The following P4HB variants were observed in gnomAD, a reference collection of about 807,000 sequenced individuals.
P4HB encodes prolyl 4-hydroxylase subunit beta.
P4HB carries 20 observed loss-of-function variants against 52.6 expected under a neutral mutation model. That is an observed-to-expected ratio of 0.38 (90% CI 0.27 to 0.55). The LOEUF (loss-of-function observed/expected upper bound fraction) is 0.55, where lower values mean the gene tolerates loss of function less well. Ranked by LOEUF, P4HB falls within the 20% of genes least tolerant of loss-of-function variation. The pLI is 0.74. For synonymous variants in P4HB, 296 were observed against 277.9 expected (o/e 1.07, Z -0.65); for missense variants, 601 against 669.2 (o/e 0.90, Z 1.12).
Position 81,845,241 on chromosome 17 carries a change from C to T in P4HB, c.1360-11G>A, listed in dbSNP as rs199951384. ...GTTGTAATCAATGACCTGTGGAAGA[C>T]AGGGATGAGTGCAGGGGCTGGTCCC... On this transcript the variant is annotated splice_polypyrimidine_tract_variant and intron_variant, in intron 9 of 10. Coordinates refer to ENST00000331483, the MANE Select transcript of P4HB (RefSeq NM_000918.4). 92 of 1,604,570 alleles carry T rather than the reference C, an allele frequency of 5.7e-5. No individual in the cohort carries two copies. The African/African-American group carries it at 1.1e-3, about 19-fold the overall frequency.
intron 1 of P4HB, 24 bp downstream of exon 1, chr17:81,860,303 C>A: frequency 1.4e-6 from 2 of 1,425,876 alleles, no homozygotes; most frequent in South Asian, 1.4e-5. Context: ...CGAGCCCCGC[C>A]CGCCCGCCAG....
chr17:81,860,039 G>A (rs1168285410), intron 1 of P4HB: 3 of 297,264 alleles, frequency 1.0e-5, no homozygotes, highest in Non-Finnish European at 1.9e-5. Flanking sequence ...CGGCAAGGCT[G>A]GACACTGGCT....
At chr17:81,847,189 A>G in intron 5 of P4HB, 54 bp downstream of exon 5, 1 of 1,599,558 alleles carries the variant, frequency 6.3e-7, no homozygotes, top group Non-Finnish European at 8.6e-7. Flanking sequence ...GCCTCATGCC[A>G]CCCCCAACCC....
At chr17:81,849,599 G>A (rs2038796030) in intron 4 of P4HB, among the ~76,000 whole-genome samples, 1 of 152,188 alleles carries the variant, frequency 6.6e-6, no homozygotes, top group South Asian at 2.1e-4. Context: ...CCACGTGCCT[G>A]TAAGGCCCTG....
At chr17:81,854,784 G>C (rs889840097) in intron 4 of P4HB, among the ~76,000 whole-genome samples, 2 of 150,978 alleles carry the variant, frequency 1.3e-5, no homozygotes, top group Non-Finnish European at 2.9e-5. Flanking sequence ...GGAGGGTGCA[G>C]TGAGCCGAGA....
In P4HB at chr17:81,855,496, G is replaced by T; in HGVS notation, c.443C>A (p.Ser148Tyr). 1.9e-6 allele frequency: 3 copies of T among 1,613,942 alleles called. No homozygotes were observed. The highest frequency in any genetic ancestry group is 2.5e-6 in the Non-Finnish European group (3 of 1,180,008). The change falls in exon 3 of 11, where the codon TCC becomes TAC. Residue 148 changes from serine (S) to tyrosine (Y), a missense_variant. By Grantham distance (144) the Ser-to-Tyr change is moderately radical. Coordinates refer to ENST00000331483, the MANE Select transcript of P4HB (RefSeq NM_000918.4). This position sits in a 1 kb window ranked among gnomAD's most constrained non-coding sequence, Gnocchi z 4.3. ...TTLPDGAAAE[S>Y]LVESSEVAVI... ...AGCCACCTCGCTGGACTCCACCAAG[G>T]ACTCTGCAGCTGCGCCGTCAGGCAG...
At chr17:81,860,222 G>A (rs546240896) in intron 1 of P4HB, 105 bp downstream of exon 1, 2 of 964,306 alleles carry the variant, frequency 2.1e-6, no homozygotes, top group African/African-American at 1.7e-5. Flanking sequence ...TCAGTTCCGG[G>A]CGCGCCGGGG....
At chr17:81,860,239 A>AC in intron 1 of P4HB, 88 bp downstream of exon 1, 1 of 1,137,320 alleles carries the variant, frequency 8.8e-7, no homozygotes, top group Non-Finnish European at 1.1e-6. Context: ...GGGGGTCCCG[A>AC]CCCCGGGGGC....
At chr17:81,853,400 G>C (rs570019121) in intron 4 of P4HB, among the ~76,000 whole-genome samples, 1 of 152,008 alleles carries the variant, frequency 6.6e-6, no homozygotes, top group East Asian at 1.9e-4. Context: ...GTGAAACCCC[G>C]TCTCTACTAA....
rs374507884 is a variant in P4HB at position 81,853,389 on chromosome 17, G to A, written c.624+1753C>T. Among the ~76,000 whole-genome samples, 6 of 152,162 alleles carry A rather than the reference G, an allele frequency of 3.9e-5. No individual in the cohort carries two copies. The South Asian group carries it at 6.2e-4, about 16-fold the overall frequency. ...AGTTCGAGACCACCCTGGCTAACAC[G>A]GTGAAACCCCGTCTCTACTAAAAAT... On this transcript the variant is annotated intron_variant, in intron 4 of 10. Coordinates refer to ENST00000331483, the MANE Select transcript of P4HB (RefSeq NM_000918.4).
intron 4 of P4HB, among the ~76,000 whole-genome samples, chr17:81,848,063 G>A (rs1399639715): frequency 6.6e-6 from 1 of 151,970 alleles, no homozygotes; most frequent in Admixed American, 6.6e-5. Flanking sequence ...CGCCACCACC[G>A]GCTAATTTTT....
intron 4 of P4HB, among the ~76,000 whole-genome samples, chr17:81,851,399 G>A (rs1181224982): frequency 6.6e-6 from 1 of 152,252 alleles, no homozygotes; most frequent in Non-Finnish European, 1.5e-5. Flanking sequence ...AGGAGCTGAT[G>A]TTAAACCAGG....
intron 10 of P4HB, among the ~76,000 whole-genome samples, chr17:81,844,594 T>G (rs1185501686): frequency 6.6e-6 from 1 of 152,202 alleles, no homozygotes; most frequent in Non-Finnish European, 1.5e-5. Context: ...CACCTCCCAC[T>G]GTGCACCAGC....
rs561184242 is a variant in P4HB, at chr17:81,847,004, A to G, written c.798T>C (p.Ser266=). 4 of 1,614,104 alleles carry G rather than the reference A, an allele frequency of 2.5e-6. No individual in the cohort carries two copies. In the South Asian group the frequency reaches 4.4e-5, roughly 18 times the overall value. Residue 266 remains serine (S), a synonymous_variant, in exon 6 of 11, where the codon TCT becomes TCC. Coordinates refer to ENST00000331483, the MANE Select transcript of P4HB (RefSeq NM_000918.4). ...AGTTGCTCAGTTTGCCGTCATAGTC[A>G]GACACACTCTTGGGCAAGAACAGCA... ...HILLFLPKSV[S]DYDGKLSNFK...
chr17:81,859,112 C>T, intron 2 of P4HB, 69 bp downstream of exon 2: 2 of 1,435,700 alleles, frequency 1.4e-6, no homozygotes, highest in Non-Finnish European at 2.0e-6. Flanking sequence ...AGACAGCTGC[C>T]CCTGCCCTTC....
intron 4 of P4HB, among the ~76,000 whole-genome samples, chr17:81,852,816 C>A (rs527917312): frequency 2.6e-4 from 39 of 152,272 alleles, no homozygotes; most frequent in Non-Finnish European, 4.6e-4. Flanking sequence ...ACAGCGGCCA[C>A]TGCAGACATC....
In P4HB at chr17:81,845,897, T is replaced by C; in HGVS notation, c.1151A>G (p.Glu384Gly). 1 of 1,613,858 alleles carries C rather than the reference T, an allele frequency of 6.2e-7. No individual in the cohort carries two copies. Among genetic ancestry groups the C allele is most frequent in the Non-Finnish European group, 8.5e-7 (1 of 1,179,962 alleles). ...GAACTCCACAAAGACGTTTTTTTTCTCATCAAAAGCCACGTCTTCAAAGTT... is the reference window on the plus strand; with the variant it reads ...GAACTCCACAAAGACGTTTTTTTTCCCATCAAAAGCCACGTCTTCAAAGTT... ...GKNFEDVAFDEKKNVFVEFYA... is the reference protein window; with the variant it reads ...GKNFEDVAFDGKKNVFVEFYA... The change falls in exon 8 of 11, where the codon GAG becomes GGG. Residue 384 changes from glutamate to glycine, a missense_variant. Glu to Gly is a moderately conservative substitution (Grantham distance 98). Transcript: ENST00000331483.
intron 9 of P4HB, 55 bp downstream of exon 9, chr17:81,845,506 G>A: frequency 6.7e-7 from 1 of 1,497,372 alleles, no homozygotes; most frequent in South Asian, 1.3e-5. Flanking sequence ...GGCTGGCGTG[G>A]GGACCACTGC....
In P4HB at chr17:81,846,810, T is replaced by TA. The variant is rs2038742667; in HGVS notation, c.855+136dup. On this transcript the variant is annotated intron_variant, in intron 6 of 10. Transcript: ENST00000331483. The surrounding 1 kb of genome is among the most constrained non-coding windows in gnomAD (Gnocchi z 5.7). ...GGTCTGGCCTGGCTGGCCCCTCGCC[T>TA]ACATCCAGGCTGTCCTGAATCAGGT... is the stretch of plus-strand genomic sequence containing the variant. 1 of 1,290,436 alleles carries TA rather than the reference T, an allele frequency of 7.7e-7. No homozygotes were observed. The highest frequency in any genetic ancestry group is 1.8e-5 in the Admixed American group (1 of 54,906). 79.9% of individuals were successfully genotyped at this position (1,290,436 alleles called of 1,614,324 possible).
Sources: allele counts gnomAD v4.1 joint callset (sites outside exome capture counted in the v4.1 genomes callset), GRCh38; gene constraint gnomAD v4.1.1; non-coding constraint Gnocchi (gnomAD v3.1); transcripts MANE v1.5; gene names NCBI Gene and HGNC (gene_info 2026-07-23, HGNC 2026-07-21).